VPS13D: variants seen among roughly 807,000 people sequenced by gnomAD.
The protein encoded by VPS13D is vacuolar protein sorting 13 homolog D.
VPS13D carries 187 observed loss-of-function variants against 461.9 expected under a neutral mutation model. The observed-to-expected ratio is 0.40, with a 90% CI of 0.36 to 0.46. VPS13D has a LOEUF of 0.46. Among genes scored for constraint, VPS13D ranks in the 20% least tolerant of loss-of-function variants. The probability of loss-of-function intolerance (pLI) is 0.60; values close to 1 mark genes in which losing one functional copy is unlikely to be tolerated. For synonymous variants in VPS13D, 1,951 were observed against 1,986.3 expected (o/e 0.98, Z 0.47); for missense variants, 4,711 against 5,364.9 (o/e 0.88, Z 3.81).
chr1:12,319,152 A>G (rs2101522825), intron 31 of VPS13D, among the ~76,000 whole-genome samples: 1 of 152,328 alleles, frequency 6.6e-6, no homozygotes. Context: ...CAGTCAGGTC[A>G]TCACTTAGAG....
intron 67 of VPS13D, among the ~76,000 whole-genome samples, chr1:12,472,247 T>C (rs548559104): frequency 6.6e-6 from 1 of 152,286 alleles, no homozygotes; most frequent in African/African-American, 2.4e-5. Flanking sequence ...AAAAAGCCAA[T>C]TGGGAGCTCT....
At chr1:12,401,580 CT>C in intron 61 of VPS13D, 27 bp from the exon 62 acceptor site, 1 of 1,575,492 alleles carries the variant, frequency 6.3e-7, no homozygotes, top group Non-Finnish European at 8.7e-7. Flanking sequence ...GGTGTTCACA[CT>C]TTAAATCAGA....
chr1:12,352,821 C>T (rs1390982436), intron 46 of VPS13D, among the ~76,000 whole-genome samples: 1 of 151,708 alleles, frequency 6.6e-6, no homozygotes, highest in East Asian at 1.9e-4. Flanking sequence ...ACAAATTAGC[C>T]AGACATGGTG....
rs70987243 is a variant in VPS13D, at chr1:12,260,015, CTTTTTTTTT to C, written c.1111-658_1111-650del. ...TGCAATAGTCCATATGCTTTAGTGA[CTTTTTTTTT>C]TTTTTTTTTTTTTTTTTTTGAGATG... On this transcript the variant is annotated intron_variant, in intron 10 of 69. Coordinates refer to ENST00000620676, the MANE Select transcript of VPS13D (RefSeq NM_015378.4). Among the ~76,000 whole-genome samples, 7 of 72,814 alleles carry C rather than the reference CTTTTTTTTT, an allele frequency of 9.6e-5. No individual in the cohort carries two copies. The East Asian group carries it at 2.4e-3, about 25-fold the overall frequency. 47.8% of individuals were successfully genotyped at this position (72,814 alleles called of 152,430 possible).
chr1:12,440,104 A>G (rs895067316), intron 65 of VPS13D, among the ~76,000 whole-genome samples: 1 of 152,234 alleles, frequency 6.6e-6, no homozygotes, highest in Non-Finnish European at 1.5e-5. Flanking sequence ...TAAGCTTTCT[A>G]CATTGCCGCC....
At chr1:12,310,912 C>CCTCT (rs1557701452) in intron 27 of VPS13D, among the ~76,000 whole-genome samples, 18 of 119,320 alleles carry the variant, frequency 1.5e-4, no homozygotes, top group African/African-American at 7.4e-4. Flanking sequence ...TCCCTCCTTC[C>CCTCT]CTCCCTCTCT....
At chr1:12,454,551 T>C (rs11121912) in intron 65 of VPS13D, among the ~76,000 whole-genome samples, 1 of 152,230 alleles carries the variant, frequency 6.6e-6, no homozygotes, top group South Asian at 2.1e-4. Flanking sequence ...AGTCTTCCCA[T>C]AGCTTCTTCC....
chr1:12,242,440 A>G, intron 2 of VPS13D, 73 bp from the exon 3 acceptor site: 1 of 1,367,942 alleles, frequency 7.3e-7, no homozygotes, highest in Non-Finnish European at 1.0e-6. Flanking sequence ...TTTAACCTTC[A>G]ATGCTTTACA....
At chr1:12,455,306 A>G (rs1645311340) in intron 65 of VPS13D, among the ~76,000 whole-genome samples, 1 of 152,252 alleles carries the variant, frequency 6.6e-6, no homozygotes, top group African/African-American at 2.4e-5. Flanking sequence ...ACCAAACCCT[A>G]AAGCAACAAT....
intron 63 of VPS13D, among the ~76,000 whole-genome samples, chr1:12,406,170 A>G (rs1446857334): frequency 6.6e-6 from 1 of 152,080 alleles, no homozygotes; most frequent in Non-Finnish European, 1.5e-5. Context: ...GGGTGCGGGG[A>G]ATTGGGACTA....
At position 12,405,829 on chromosome 1, in the gene VPS13D, G is replaced by A. The variant is rs531883902; in HGVS notation, c.12030+1856G>A. The stretch of plus-strand genomic sequence containing the variant: ...TGTGAAGCATTTCCTGAGGGTTGAG[G>A]ACTTCTTGTTTTTAAAATCATCTTA... On this transcript the variant is annotated intron_variant, in intron 63 of 69. Transcript: ENST00000620676. Among the ~76,000 whole-genome samples the A allele has an allele frequency of 3.3e-5, 5 of 152,250 alleles. No homozygotes were observed. In the South Asian group the frequency reaches 1.0e-3, roughly 32 times the overall value.
intron 18 of VPS13D, among the ~76,000 whole-genome samples, 182 bp downstream of exon 18, chr1:12,273,317 G>A (rs1214095694): frequency 6.6e-6 from 1 of 151,952 alleles, no homozygotes; most frequent in Non-Finnish European, 1.5e-5. Context: ...TTGGTAGATC[G>A]ACCTGTCTAT....
At position 12,271,127 on chromosome 1, in the gene VPS13D, A is replaced by G. The variant is rs1404330004; in HGVS notation, c.2103+3A>G. The G allele has an allele frequency of 6.2e-7, 1 of 1,613,950 alleles. No homozygotes were observed. Among genetic ancestry groups the G allele is most frequent in the Non-Finnish European group, 8.5e-7 (1 of 1,179,920 alleles). On this transcript the variant is annotated splice_donor_region_variant and intron_variant, in intron 17 of 69. Coordinates refer to ENST00000620676, the MANE Select transcript of VPS13D (RefSeq NM_015378.4). ...GTTTGCTAGTGGGTGATTTCATTGT[A>G]AGTGGGCATCCATAAACACTCTTTG...
chr1:12,403,887 C>T lies in VPS13D; in HGVS notation c.11944C>T (p.Arg3982Ter), dbSNP rs765792192. 5 of 1,612,820 alleles carry T rather than the reference C, an allele frequency of 3.1e-6. No individual in the cohort carries two copies. Among genetic ancestry groups the T allele is most frequent in the East Asian group, 2.2e-5 (1 of 44,742 alleles). The change falls in exon 63 of 70, where the codon CGA (arginine) becomes TGA (stop). Residue 3982 changes from arginine to a stop codon, truncating the protein, a stop_gained. Transcript: ENST00000620676. LOFTEE classifies it high-confidence loss of function. ...AGCTGAGCAAGGTGGAACACCAATTCGATACTACTTTGAAAATCTCAAAAT... is the reference window on the plus strand; with the variant it reads ...AGCTGAGCAAGGTGGAACACCAATTTGATACTACTTTGAAAATCTCAAAAT... Reference protein sequence around the residue: ...KTAEQGGTPIRYYFENLKISI... With the variant: ...KTAEQGGTPI
chr1:12,369,591 T>G lies in VPS13D; in HGVS notation c.10697T>G (p.Val3566Gly). The G allele has an allele frequency of 6.2e-7, 1 of 1,614,184 alleles. No individual in the cohort carries two copies. Among genetic ancestry groups the G allele is most frequent in the Non-Finnish European group, 8.5e-7 (1 of 1,180,032 alleles). ...PTLPPFITLT[V>G]KGAGSSEINC... The stretch of plus-strand genomic sequence containing the variant: ...TTGCCACCTTTTATCACTCTGACTG[T>G]TAAAGGGGCAGGGTCCTCTGAGATC... The change falls in exon 54 of 70, where the codon GTT becomes GGT. Residue 3566 changes from valine to glycine, a missense_variant. By Grantham distance (109) the Val-to-Gly change is moderately radical (BLOSUM62 -3). Transcript: ENST00000620676.
At chr1:12,368,122 T>G (rs902666333) in intron 52 of VPS13D, among the ~76,000 whole-genome samples, 1 of 152,164 alleles carries the variant, frequency 6.6e-6, no homozygotes, top group Non-Finnish European at 1.5e-5. Context: ...TTCACTGATA[T>G]TTTTCCGTTA....
intron 65 of VPS13D, among the ~76,000 whole-genome samples, chr1:12,449,883 G>C (rs1017484193): frequency 2.6e-5 from 4 of 152,146 alleles, no homozygotes; most frequent in African/African-American, 7.2e-5. Context: ...CTAGCACCTC[G>C]TGGGGCCGAG....
At chr1:12,319,683 C>T in intron 32 of VPS13D, 53 bp downstream of exon 32, 1 of 1,609,908 alleles carries the variant, frequency 6.2e-7, no homozygotes, top group Non-Finnish European at 8.5e-7. Context: ...ACGAGCAAAG[C>T]ATCTGGAAGA....
In VPS13D at chr1:12,502,367, C is replaced by T. The variant is rs1056296630; in HGVS notation, c.12795-4486C>T. ...TGAGGAGGAGGGTTGAGAGTGGCTT[C>T]GGGCTCCTTGCCTGTCTGGTTGATG... On this transcript the variant is annotated intron_variant, in intron 68 of 69. Transcript: ENST00000620676. This position sits in a 1 kb window ranked among gnomAD's most constrained non-coding sequence, Gnocchi z 4.3. Among the ~76,000 whole-genome samples, 1 of 152,078 alleles carries T rather than the reference C, an allele frequency of 6.6e-6. No individual in the cohort carries two copies. Among genetic ancestry groups the T allele is most frequent in the Non-Finnish European group, 1.5e-5 (1 of 68,008 alleles).
Sources: allele counts gnomAD v4.1 joint callset (sites outside exome capture counted in the v4.1 genomes callset), GRCh38; gene constraint gnomAD v4.1.1; non-coding constraint Gnocchi (gnomAD v3.1); transcripts MANE v1.5; gene names NCBI Gene and HGNC (gene_info 2026-07-23, HGNC 2026-07-21).